The following PRKN variants were observed in gnomAD, a reference collection of about 807,000 sequenced individuals.
The protein encoded by PRKN is parkin RBR E3 ubiquitin protein ligase.
Under a neutral mutation model 59.5 loss-of-function variants are expected in PRKN, and 56 were observed. The observed-to-expected ratio is 0.94, with a 90% CI of 0.76 to 1.18. The LOEUF is 1.18. Among genes scored for constraint, PRKN ranks in the 50% most tolerant of loss-of-function variants. PRKN has a pLI of 0.00. For missense variants in PRKN, 657 were observed against 596.4 expected, an observed-to-expected ratio of 1.10 and a Z score of -1.06; for synonymous variants, 250 against 222.1, an observed-to-expected ratio of 1.13 and a Z score of -1.12.
At chr6:161,731,499 G>A (rs1302501508) in intron 7 of PRKN, among the ~76,000 whole-genome samples, 1 of 152,154 alleles carries the variant, frequency 6.6e-6, no homozygotes, top group Non-Finnish European at 1.5e-5. Context: ...AAGCATAAAA[G>A]ATTTAAAAGT....
intron 5 of PRKN, among the ~76,000 whole-genome samples, chr6:162,025,433 A>G (rs1256764325): frequency 3.3e-5 from 5 of 151,844 alleles, no homozygotes; most frequent in Non-Finnish European, 7.4e-5. Context: ...GCCTTTTCTA[A>G]TCCGTGTCAT....
intron 6 of PRKN, among the ~76,000 whole-genome samples, chr6:161,890,800 A>G (rs1256910123): frequency 6.6e-6 from 1 of 152,184 alleles, no homozygotes; most frequent in Non-Finnish European, 1.5e-5. Flanking sequence ...TTTAAATAGA[A>G]TTTATTTTCC....
At chr6:161,754,636 C>A (rs1453952063) in intron 7 of PRKN, among the ~76,000 whole-genome samples, 2 of 152,170 alleles carry the variant, frequency 1.3e-5, no homozygotes, top group African/African-American at 2.4e-5. Flanking sequence ...ACAGGCCCTG[C>A]AGGTGCTGGG....
intron 3 of PRKN, among the ~76,000 whole-genome samples, chr6:162,240,865 G>A (rs919845892): frequency 6.6e-6 from 1 of 152,130 alleles, no homozygotes; most frequent in African/African-American, 2.4e-5. Context: ...TATATGATGA[G>A]TTTTCACTCA....
intron 9 of PRKN, among the ~76,000 whole-genome samples, chr6:161,514,021 G>A (rs1476240526): frequency 6.6e-6 from 1 of 151,832 alleles, no homozygotes; most frequent in Non-Finnish European, 1.5e-5. Context: ...TGTATTTTAG[G>A]ACCCCAGGAA....
chr6:161,977,541 G>GTTTT (rs1562433349), intron 5 of PRKN, among the ~76,000 whole-genome samples: 16 of 98,720 alleles, frequency 1.6e-4, no homozygotes, highest in Admixed American at 3.6e-4. Context: ...CTGTTTTTTT[G>GTTTT]GTTTTTTTTT....
intron 7 of PRKN, among the ~76,000 whole-genome samples, chr6:161,585,506 C>T (rs980863750): frequency 2.0e-5 from 3 of 152,096 alleles, no homozygotes; most frequent in African/African-American, 7.2e-5. Flanking sequence ...TTCTAAACGC[C>T]AAATAGAGTC....
intron 1 of PRKN, among the ~76,000 whole-genome samples, chr6:162,486,626 T>C (rs185158715): frequency 9.8e-5 from 15 of 152,354 alleles, no homozygotes; most frequent in Non-Finnish European, 2.1e-4. Flanking sequence ...CAAATGCCTT[T>C]TCAAATGGTG....
chr6:162,316,760 A>T (rs949821836), intron 2 of PRKN, among the ~76,000 whole-genome samples: 2 of 152,124 alleles, frequency 1.3e-5, no homozygotes, highest in Non-Finnish European at 2.9e-5. Context: ...CAAAAGGGGA[A>T]AAAAAACATG....
At chr6:162,607,473 C>G (rs937500982) in intron 1 of PRKN, among the ~76,000 whole-genome samples, 40 of 151,570 alleles carry the variant, frequency 2.6e-4, no homozygotes, top group African/African-American at 8.0e-4. Context: ...TTTACCCATT[C>G]CAGAGGTGTT....
At chr6:162,339,738 C>T (rs1242979130) in intron 2 of PRKN, among the ~76,000 whole-genome samples, 1 of 151,700 alleles carries the variant, frequency 6.6e-6, no homozygotes, top group Non-Finnish European at 1.5e-5. Flanking sequence ...GGATGGTTGC[C>T]GTGTCTGTGT....
In PRKN at chr6:161,426,644, T is replaced by TAC. The variant is rs546537464; in HGVS notation, c.1084-39769_1084-39768dup. Among the ~76,000 whole-genome samples the TAC allele has an allele frequency of 3.7e-3, 114 of 31,040 alleles. 1 individual carries two copies. Among genetic ancestry groups the TAC allele is most frequent in the Admixed American group, 0.018 (50 of 2,830 alleles). The allele number at this position is 31,040 out of a possible 152,430, so 20.4% of individuals were successfully genotyped here. A position where few individuals can be genotyped will look rare whatever the true frequency, so the allele number is the denominator to read the frequency against. On this transcript the variant is annotated intron_variant, in intron 9 of 11. Coordinates refer to ENST00000366898, the MANE Select transcript of PRKN (RefSeq NM_004562.3). Reference sequence around the variant, plus strand: ...TAATACTACTTAATAAACTCCCCTTTACACACACACACACACACACACACA... The same window carrying TAC: ...TAATACTACTTAATAAACTCCCCTTTACACACACACACACACACACACACACA...
At chr6:161,492,626 AG>A (rs2115275803) in intron 9 of PRKN, among the ~76,000 whole-genome samples, 1 of 152,346 alleles carries the variant, frequency 6.6e-6, no homozygotes, top group Non-Finnish European at 1.5e-5. Context: ...AACCTTGGCA[AG>A]TCAGTGTTTT....
chr6:161,634,288 C>G (rs1460339257), intron 7 of PRKN, among the ~76,000 whole-genome samples: 1 of 152,144 alleles, frequency 6.6e-6, no homozygotes, highest in African/African-American at 2.4e-5. Context: ...GGGCTCAGTC[C>G]CCCTGAAGGC....
intron 2 of PRKN, among the ~76,000 whole-genome samples, chr6:162,347,420 A>G (rs1000854575): frequency 1.3e-5 from 2 of 151,840 alleles, no homozygotes; most frequent in Non-Finnish European, 2.9e-5. Context: ...TTAGTTACTT[A>G]AGAGGTTTTC....
At chr6:162,450,951 G>T (rs1199748717) in intron 1 of PRKN, among the ~76,000 whole-genome samples, 1 of 152,162 alleles carries the variant, frequency 6.6e-6, no homozygotes, top group Non-Finnish European at 1.5e-5. Flanking sequence ...GGGAAACTGG[G>T]TGTGGGGTAC....
At chr6:162,528,840 G>A (rs1170904165) in intron 1 of PRKN, among the ~76,000 whole-genome samples, 2 of 151,992 alleles carry the variant, frequency 1.3e-5, no homozygotes, top group Admixed American at 6.6e-5. Context: ...AAACCTAGAA[G>A]AGAGTAACAG....
chr6:161,731,505 A>G (rs1423158659), intron 7 of PRKN, among the ~76,000 whole-genome samples: 1 of 152,256 alleles, frequency 6.6e-6, no homozygotes, highest in Non-Finnish European at 1.5e-5. Flanking sequence ...AAAAGATTTA[A>G]AAGTAAAAGT....
chr6:162,488,894 A>G (rs1397534887), intron 1 of PRKN, among the ~76,000 whole-genome samples: 1 of 152,130 alleles, frequency 6.6e-6, no homozygotes, highest in Non-Finnish European at 1.5e-5. Context: ...TAATCATGCA[A>G]ACTGAAATTA....
Sources: allele counts gnomAD v4.1 joint callset (sites outside exome capture counted in the v4.1 genomes callset), GRCh38; gene constraint gnomAD v4.1.1; transcripts MANE v1.5; gene names NCBI Gene and HGNC (gene_info 2026-07-23, HGNC 2026-07-21).